MDGA2: variants seen among roughly 807,000 people sequenced by gnomAD.
The protein encoded by MDGA2 is MAM domain containing glycosylphosphatidylinositol anchor 2, also known as MAM domain-containing glycosylphosphatidylinositol anchor protein 2.
A neutral mutation model predicts 117.8 loss-of-function variants in MDGA2; 40 were observed. That is an observed-to-expected ratio of 0.34 (90% CI 0.26 to 0.44). MDGA2 has a LOEUF of 0.44. Ranked by LOEUF, MDGA2 falls within the 20% of genes least tolerant of loss-of-function variation. The probability of loss-of-function intolerance (pLI) is 1.00; values close to 1 mark genes in which losing one functional copy is unlikely to be tolerated. For missense variants in MDGA2, 1,123 were observed against 1,250.6 expected (o/e 0.90, Z 1.54); for synonymous variants, 452 against 439.0 (o/e 1.03, Z -0.37).
rs1279414389 is a variant in MDGA2 at position 46,957,627 on chromosome 14, T to A, written c.1836A>T (p.Glu612Asp). 6.2e-7 allele frequency: 1 copy of A among 1,614,022 alleles called. No individual in the cohort carries two copies. The highest frequency in any genetic ancestry group is 1.1e-5 in the South Asian group (1 of 91,086). The change falls in exon 9 of 17, where the codon GAA becomes GAT. Residue 612 changes from glutamate to aspartate, a missense_variant. Glu to Asp is a conservative substitution (Grantham distance 45). Around this residue, in one of 2 missense-constraint regions of MDGA2, gnomAD observed 890 missense variants for 1,050.3 expected, o/e 0.85. Transcript: ENST00000399232. The part of the protein sequence containing the change: ...QLIVQYPPAV[E>D]PAFLEIRQGQ... Reference sequence around the variant, plus strand: ...CTTGCCGGATTTCCAAGAATGCTGGTTCCACTGCAGGGGGATCTGTAGAAA... The same window carrying A: ...CTTGCCGGATTTCCAAGAATGCTGGATCCACTGCAGGGGGATCTGTAGAAA...
At chr14:47,003,402 G>C (rs180822453) in intron 8 of MDGA2, among the ~76,000 whole-genome samples, 4 of 151,876 alleles carry the variant, frequency 2.6e-5, no homozygotes, top group Admixed American at 2.6e-4. Flanking sequence ...TGCCACAATG[G>C]TTTGTACCCT....
chr14:47,553,005 C>G (rs1421912156), intron 1 of MDGA2, among the ~76,000 whole-genome samples: 1 of 152,206 alleles, frequency 6.6e-6, no homozygotes, highest in Non-Finnish European at 1.5e-5. Context: ...ACTCATCAAC[C>G]TATTTTAAAA....
chr14:46,856,408 A>C (rs981483956), intron 14 of MDGA2, among the ~76,000 whole-genome samples: 20 of 152,114 alleles, frequency 1.3e-4, no homozygotes, highest in Non-Finnish European at 2.4e-4. Context: ...AAGATACAGA[A>C]CATTTCCATT....
At position 46,896,914 on chromosome 14, in the gene MDGA2, T is replaced by C. The variant is rs551829748; in HGVS notation, c.2239-14693A>G. Among the ~76,000 whole-genome samples, 2 of 152,190 alleles carry C rather than the reference T, an allele frequency of 1.3e-5. 1 individual carries two copies. The highest frequency in any genetic ancestry group is 4.1e-4 in the South Asian group (2 of 4,828). Reference sequence around the variant, plus strand: ...TAGGTGTGGTCATATGACCTAGTCCTGGCCAATGACATGTAAGTGTAGGTG... The same window carrying C: ...TAGGTGTGGTCATATGACCTAGTCCCGGCCAATGACATGTAAGTGTAGGTG... On this transcript the variant is annotated intron_variant, in intron 10 of 16. Transcript: ENST00000399232.
chr14:46,998,219 G>A (rs371117539), intron 8 of MDGA2, among the ~76,000 whole-genome samples: 3 of 152,094 alleles, frequency 2.0e-5, no homozygotes, highest in Non-Finnish European at 4.4e-5. Flanking sequence ...CAAGGCAGGA[G>A]GATTGCTTGA....
At chr14:46,922,075 G>T (rs192907580) in intron 9 of MDGA2, among the ~76,000 whole-genome samples, 43 of 152,154 alleles carry the variant, frequency 2.8e-4, no homozygotes, top group Middle Eastern at 3.4e-3. Context: ...GGGACAACTA[G>T]GGGTTTTTTT....
intron 8 of MDGA2, among the ~76,000 whole-genome samples, chr14:46,986,373 A>C (rs1886859054): frequency 6.6e-6 from 1 of 152,004 alleles, no homozygotes; most frequent in Admixed American, 6.6e-5. Context: ...AGGTAAAGCT[A>C]CTCCCTTTAA....
chr14:47,341,568 A>C (rs1890622803), intron 1 of MDGA2, among the ~76,000 whole-genome samples: 1 of 152,242 alleles, frequency 6.6e-6, no homozygotes, highest in South Asian at 2.1e-4. Flanking sequence ...ATAGGAAGTT[A>C]CTTCAATGCA....
chr14:47,204,824 T>C (rs1885625008), intron 3 of MDGA2, among the ~76,000 whole-genome samples: 1 of 152,026 alleles, frequency 6.6e-6, no homozygotes, highest in South Asian at 2.1e-4. Flanking sequence ...CAACATTATA[T>C]ATTCTAAAAC....
chr14:47,570,643 C>T (rs1406965499), intron 1 of MDGA2, among the ~76,000 whole-genome samples: 1 of 152,044 alleles, frequency 6.6e-6, no homozygotes, highest in Non-Finnish European at 1.5e-5. Flanking sequence ...CTTACAGAAA[C>T]AAGCAATGGG....
chr14:47,622,222 AGAG>A (rs1287369810), intron 1 of MDGA2, among the ~76,000 whole-genome samples: 2 of 152,222 alleles, frequency 1.3e-5, no homozygotes, highest in Non-Finnish European at 2.9e-5. Context: ...GCCACAAAAG[AGAG>A]AAGAAGAAGA....
At chr14:47,336,589 C>T (rs1890465486) in intron 1 of MDGA2, among the ~76,000 whole-genome samples, 1 of 151,628 alleles carries the variant, frequency 6.6e-6, no homozygotes, top group African/African-American at 2.4e-5. Flanking sequence ...ATTAAAGTAC[C>T]CACTTTGAGT....
chr14:46,989,461 A>G (rs372294820), intron 8 of MDGA2, among the ~76,000 whole-genome samples: 3 of 152,126 alleles, frequency 2.0e-5, no homozygotes, highest in Non-Finnish European at 2.9e-5. Context: ...GCAGGTGACA[A>G]TATGTGACTA....
At chr14:47,342,748 T>C (rs1051025797) in intron 1 of MDGA2, among the ~76,000 whole-genome samples, 2 of 152,148 alleles carry the variant, frequency 1.3e-5, no homozygotes, top group Admixed American at 1.3e-4. Flanking sequence ...ATTGAGGATA[T>C]TCTTAGAGGA....
At chr14:47,359,045 C>A (rs1277052862) in intron 1 of MDGA2, among the ~76,000 whole-genome samples, 1 of 152,144 alleles carries the variant, frequency 6.6e-6, no homozygotes, top group Non-Finnish European at 1.5e-5. Context: ...TTGAAGACAT[C>A]ATATGTCCTA....
chr14:47,636,345 G>A (rs1897321007), intron 1 of MDGA2, among the ~76,000 whole-genome samples: 1 of 152,166 alleles, frequency 6.6e-6, no homozygotes, highest in African/African-American at 2.4e-5. Context: ...GTCTAATTGT[G>A]CCTTCATTCA....
intron 1 of MDGA2, among the ~76,000 whole-genome samples, chr14:47,638,861 C>A (rs1032140340): frequency 6.6e-6 from 1 of 152,142 alleles, no homozygotes; most frequent in African/African-American, 2.4e-5. Context: ...TTAAAATGGT[C>A]AAGCCTCACA....
At chr14:46,958,992 T>C (rs912997141) in intron 8 of MDGA2, among the ~76,000 whole-genome samples, 1 of 152,188 alleles carries the variant, frequency 6.6e-6, no homozygotes, top group Admixed American at 6.5e-5. Context: ...ATCTATATGG[T>C]TGTTTATTCA....
At chr14:47,171,942 C>G (rs1223999284) in intron 3 of MDGA2, among the ~76,000 whole-genome samples, 2 of 152,276 alleles carry the variant, frequency 1.3e-5, no homozygotes, top group East Asian at 3.9e-4. Flanking sequence ...CATTCCCACC[C>G]TAATACTGCG....
Sources: allele counts gnomAD v4.1 joint callset (sites outside exome capture counted in the v4.1 genomes callset), GRCh38; gene constraint gnomAD v4.1.1; regional missense constraint gnomAD v4.1.1; transcripts MANE v1.5; gene names NCBI Gene and HGNC (gene_info 2026-07-23, HGNC 2026-07-21).